Variants in LSAMP observed in about 807,000 individuals in gnomAD.
LSAMP encodes limbic system associated membrane protein.
Under a neutral mutation model 38.6 loss-of-function variants are expected in LSAMP, and 7 were observed. The ratio of observed to expected loss-of-function variants is 0.18; its 90% CI spans 0.10 to 0.34. LSAMP has a LOEUF of 0.34. LSAMP is among the 10% of genes least tolerant of loss of function. The pLI is 1.00. For missense variants in LSAMP, 313 were observed against 420.0 expected, an observed-to-expected ratio of 0.75 and a Z score of 2.23; for synonymous variants, 154 against 166.8, an observed-to-expected ratio of 0.92 and a Z score of 0.59.
chr3:115,999,267 T>A (rs1470343223), intron 3 of LSAMP, among the ~76,000 whole-genome samples: 1 of 152,148 alleles, frequency 6.6e-6, no homozygotes. Flanking sequence ...TTTCCCTCCA[T>A]GGGAAGAGAG....
chr3:115,892,742 T>C (rs1015216173), intron 3 of LSAMP, among the ~76,000 whole-genome samples: 11 of 151,392 alleles, frequency 7.3e-5, no homozygotes, highest in African/African-American at 2.7e-4. Flanking sequence ...ACAGAGGATA[T>C]AGCTATCATC....
At chr3:115,864,598 C>T (rs1041963543) in intron 3 of LSAMP, among the ~76,000 whole-genome samples, 1 of 152,222 alleles carries the variant, frequency 6.6e-6, no homozygotes, top group Middle Eastern at 3.4e-3. Context: ...AAGAACTCAT[C>T]CTTTGTTCTA....
At chr3:115,980,737 G>A (rs922988880) in intron 3 of LSAMP, among the ~76,000 whole-genome samples, 4 of 152,122 alleles carry the variant, frequency 2.6e-5, no homozygotes, top group African/African-American at 4.8e-5. Flanking sequence ...TATGACTTCA[G>A]AAAGGACAAG....
intron 1 of LSAMP, among the ~76,000 whole-genome samples, chr3:116,421,003 C>T (rs1307199428): frequency 6.6e-6 from 1 of 152,058 alleles, no homozygotes; most frequent in Non-Finnish European, 1.5e-5. Flanking sequence ...AAATTTAGAA[C>T]CTGCCTCATA....
chr3:116,256,579 A>T (rs1436770496), intron 1 of LSAMP, among the ~76,000 whole-genome samples: 2 of 152,198 alleles, frequency 1.3e-5, no homozygotes, highest in African/African-American at 4.8e-5. Flanking sequence ...TATATACAAC[A>T]TATCCACAAA....
intron 1 of LSAMP, among the ~76,000 whole-genome samples, chr3:116,323,052 A>T (rs2047725833): frequency 6.6e-6 from 1 of 152,170 alleles, no homozygotes; most frequent in South Asian, 2.1e-4. Context: ...ACTTGGTCAT[A>T]AAGTAGGTTG....
chr3:116,289,957 T>TTTTTCTCTTTGGATTTCCTCTA (rs2047243326), intron 1 of LSAMP, among the ~76,000 whole-genome samples: 1 of 152,208 alleles, frequency 6.6e-6, no homozygotes, highest in African/African-American at 2.4e-5. Flanking sequence ...GCCTCATCTC[T>TTTTTCTCTTTGGATTTCCTCTA]TTTTCTCTTT....
At chr3:116,192,819 C>A (rs943721517) in intron 1 of LSAMP, among the ~76,000 whole-genome samples, 2 of 152,106 alleles carry the variant, frequency 1.3e-5, no homozygotes, top group African/African-American at 4.8e-5. Flanking sequence ...ATCTAAGGAC[C>A]TTTTCAGCTC....
intron 1 of LSAMP, among the ~76,000 whole-genome samples, chr3:116,131,270 C>T (rs763922708): frequency 1.3e-5 from 2 of 151,928 alleles, no homozygotes; most frequent in South Asian, 2.1e-4. Context: ...GGATTACAGA[C>T]GTGAGCCACC....
At chr3:116,223,084 A>G (rs1213086830) in intron 1 of LSAMP, among the ~76,000 whole-genome samples, 2 of 151,742 alleles carry the variant, frequency 1.3e-5, no homozygotes, top group African/African-American at 4.8e-5. Flanking sequence ...TCTCTAGTGT[A>G]ATAGACACAA....
chr3:116,006,286 G>C (rs1007148443), intron 3 of LSAMP, among the ~76,000 whole-genome samples: 1 of 152,082 alleles, frequency 6.6e-6, no homozygotes, highest in African/African-American at 2.4e-5. Flanking sequence ...CAGAAGTCAT[G>C]GGAGGATCTA....
At chr3:115,832,763 TA>T (rs1198858930) in intron 6 of LSAMP, among the ~76,000 whole-genome samples, 3 of 152,310 alleles carry the variant, frequency 2.0e-5, no homozygotes, top group Admixed American at 2.0e-4. Flanking sequence ...CTATATTCTC[TA>T]AAAACTATTG....
chr3:115,826,151 G>A (rs1816677), intron 6 of LSAMP, among the ~76,000 whole-genome samples: 12,884 of 151,772 alleles, frequency 0.085, 667 homozygotes, highest in African/African-American at 0.14. Context: ...GTCTCGATCT[G>A]TCACCCAGGC....
At chr3:116,199,783 G>A (rs963728864) in intron 1 of LSAMP, among the ~76,000 whole-genome samples, 1 of 107,808 alleles carries the variant, frequency 9.3e-6, no homozygotes, top group Admixed American at 9.7e-5. Flanking sequence ...AATTTCAGGG[G>A]AGAGGGGTCA....
At chr3:116,019,402 G>C in intron 3 of LSAMP, 113 bp downstream of exon 3, 2 of 1,325,078 alleles carry the variant, frequency 1.5e-6, no homozygotes, top group Non-Finnish European at 2.1e-6. Flanking sequence ...TGATTCAACA[G>C]AATTTCAATT....
intron 1 of LSAMP, among the ~76,000 whole-genome samples, chr3:116,289,770 T>G (rs552383720): frequency 9.8e-5 from 15 of 152,306 alleles, no homozygotes; most frequent in African/African-American, 2.6e-4. Context: ...AGTTTTTAAT[T>G]ATCAAATTGG....
chr3:115,882,593 G>GA (rs1338874009), intron 3 of LSAMP, among the ~76,000 whole-genome samples: 1 of 152,060 alleles, frequency 6.6e-6, no homozygotes, highest in Non-Finnish European at 1.5e-5. Context: ...AATGGCATAA[G>GA]AGAGTATACT....
chr3:116,226,441 T>A (rs994683483), intron 1 of LSAMP, among the ~76,000 whole-genome samples: 5 of 152,226 alleles, frequency 3.3e-5, no homozygotes, highest in Non-Finnish European at 5.9e-5. Flanking sequence ...GCTAGAGGGA[T>A]AAAGCCATCT....
At chr3:116,209,120 C>T (rs942733134) in intron 1 of LSAMP, among the ~76,000 whole-genome samples, 21 of 152,310 alleles carry the variant, frequency 1.4e-4, no homozygotes, top group South Asian at 2.1e-4. Flanking sequence ...TTTTTTAAGC[C>T]GGTCCGAAAA....
Sources: gnomAD v4.1 joint callset for allele counts (sites outside exome capture counted in the v4.1 genomes callset) on GRCh38, gnomAD v4.1.1 for gene constraint, MANE v1.5 for transcripts, NCBI Gene and HGNC (gene_info 2026-07-23, HGNC 2026-07-21) for gene names.